Variants in RAB37 observed in about 807,000 individuals in gnomAD.
The protein encoded by RAB37 is ras-related protein Rab-37.
Under a neutral mutation model 33.1 loss-of-function variants are expected in RAB37, and 29 were observed. The observed-to-expected ratio is 0.88, with a 90% CI of 0.65 to 1.20. The LOEUF is 1.20. RAB37 is among the 50% of genes most tolerant of loss of function. The pLI is 0.00. For synonymous variants in RAB37, 128 were observed against 119.5 expected (o/e 1.07, Z -0.47); for missense variants, 299 against 301.1 (o/e 0.99, Z 0.05).
chr17:74,696,302 A>T, intron 1 of RAB37: 3 of 1,432,060 alleles, frequency 2.1e-6, no homozygotes, highest in Admixed American at 2.3e-5. Flanking sequence ...AGAAATATGG[A>T]AGAAAAGAGG....
chr17:74,723,465 T>C (rs1002513517), intron 1 of RAB37, among the ~76,000 whole-genome samples: 1 of 151,440 alleles, frequency 6.6e-6, no homozygotes, highest in Non-Finnish European at 1.5e-5. Context: ...TGGAAGTGAA[T>C]GAGGCACAAA....
chr17:74,744,769 T>C lies in RAB37; in HGVS notation c.433-104T>C. On this transcript the variant is annotated intron_variant, in intron 6 of 8. Transcript: ENST00000392613. This position sits in a 1 kb window ranked among gnomAD's most constrained non-coding sequence, Gnocchi z 4.2. ...GCCAATCACACCTGCCTGCAGTCCC[T>C]TGGGCCACCAGCAGAGGGCAGGCAA... 7.2e-7 allele frequency: 1 copy of C among 1,380,304 alleles called. No homozygotes were observed. Among genetic ancestry groups the C allele is most frequent in the Non-Finnish European group, 1.0e-6 (1 of 968,184 alleles). 85.5% of individuals were successfully genotyped at this position (1,380,304 alleles called of 1,614,324 possible).
chr17:74,705,490 C>A, intron 1 of RAB37: 1 of 478,518 alleles, frequency 2.1e-6, no homozygotes, highest in Non-Finnish European at 3.8e-6. Flanking sequence ...TATTTGTCCA[C>A]CTTTCTGCCA....
intron 5 of RAB37, among the ~76,000 whole-genome samples, chr17:74,743,882 T>G (rs1280457191): frequency 6.6e-6 from 1 of 152,176 alleles, no homozygotes; most frequent in East Asian, 1.9e-4. Context: ...AACGTTTATA[T>G]AGAAAGAGGA....
intron 1 of RAB37, among the ~76,000 whole-genome samples, chr17:74,700,218 G>GT (rs1290794183): frequency 6.6e-6 from 1 of 151,766 alleles, no homozygotes; most frequent in African/African-American, 2.4e-5. Flanking sequence ...AATAAATCCC[G>GT]TAACAGCCCC....
At position 74,671,359 on chromosome 17, in the gene RAB37, T is replaced by G; in HGVS notation, c.-228T>G. 1 of 536,774 alleles carries G rather than the reference T, an allele frequency of 1.9e-6. No individual in the cohort carries two copies. The highest frequency in any genetic ancestry group is 3.3e-6 in the Non-Finnish European group (1 of 299,522). The allele number at this position is 536,774 out of a possible 1,614,324, so 33.3% of individuals were successfully genotyped here. A position where few individuals can be genotyped will look rare whatever the true frequency, so the allele number is the denominator to read the frequency against. ...TGGTCCCGGGCGCACAACGGCGGAG[T>G]CGCTGTTCCTGGTGCTGAAACGCTC... On this transcript the variant is annotated 5_prime_UTR_variant, in exon 1 of 8. Transcript: ENST00000340415. This position sits in a 1 kb window ranked among gnomAD's most constrained non-coding sequence, Gnocchi z 5.0.
chr17:74,671,524 G>A lies in RAB37; in HGVS notation c.-63G>A. The stretch of plus-strand genomic sequence containing the variant: ...TGCCGCACCCAGCGGAGCTCGAACC[G>A]AGCTCCTGGAAGCGCTGACGCAGAG... On this transcript the variant is annotated 5_prime_UTR_variant, in exon 1 of 8. Coordinates refer to the RAB37 transcript ENST00000340415. The surrounding 1 kb of genome is among the most constrained non-coding windows in gnomAD (Gnocchi z 5.0). The A allele has an allele frequency of 1.3e-6, 2 of 1,541,790 alleles. No homozygotes were observed. The highest frequency in any genetic ancestry group is 1.8e-6 in the Non-Finnish European group (2 of 1,117,500).
chr17:74,725,252 A>G (rs558297943), intron 1 of RAB37, among the ~76,000 whole-genome samples: 1 of 151,846 alleles, frequency 6.6e-6, no homozygotes, highest in African/African-American at 2.4e-5. Context: ...CCCAACCCCA[A>G]AGGAATTTTC....
intron 1 of RAB37, among the ~76,000 whole-genome samples, chr17:74,722,256 C>G (rs1287673033): frequency 6.7e-6 from 1 of 149,592 alleles, no homozygotes; most frequent in Non-Finnish European, 1.5e-5. Context: ...GCACCCTGGC[C>G]TGGGCGACAG....
At chr17:74,709,441 ACATT>A (rs1341342104) in intron 1 of RAB37, among the ~76,000 whole-genome samples, 2 of 152,232 alleles carry the variant, frequency 1.3e-5, no homozygotes, top group African/African-American at 4.8e-5. Flanking sequence ...TTAGTGCGAG[ACATT>A]CATATGTACT....
intron 1 of RAB37, among the ~76,000 whole-genome samples, chr17:74,739,572 G>A (rs1037724777): frequency 1.5e-5 from 2 of 129,584 alleles, no homozygotes; most frequent in African/African-American, 3.0e-5. Context: ...CTCTGTCACC[G>A]AGGCTGGAGT....
chr17:74,740,931 G>T, intron 2 of RAB37, 53 bp downstream of exon 2: 1 of 1,349,454 alleles, frequency 7.4e-7, no homozygotes. Flanking sequence ...CTGTGGCTCA[G>T]GCATGGGGGG....
Position 74,744,468 on chromosome 17 carries a change from C to T in RAB37, c.432+95C>T, listed in dbSNP as rs2034702336. On this transcript the variant is annotated intron_variant, in intron 6 of 8. Transcript: ENST00000392613. This position sits in a 1 kb window ranked among gnomAD's most constrained non-coding sequence, Gnocchi z 4.2. ...CAAGAACAGTTATCTAGGCATCCTTCCTGAAAAGGACTCTGCAGCCTCCAG... is the reference window on the plus strand; with the variant it reads ...CAAGAACAGTTATCTAGGCATCCTTTCTGAAAAGGACTCTGCAGCCTCCAG... 5 of 1,205,490 alleles carry T rather than the reference C, an allele frequency of 4.1e-6. No individual in the cohort carries two copies. Among genetic ancestry groups the T allele is most frequent in the African/African-American group, 1.5e-5 (1 of 66,946 alleles). 74.7% of individuals were successfully genotyped at this position (1,205,490 alleles called of 1,614,324 possible). A position where few individuals can be genotyped will look rare whatever the true frequency, so the allele number is the denominator to read the frequency against.
At chr17:74,736,186 C>A (rs1216163906), upstream of RAB37, among the ~76,000 whole-genome samples, 1 of 151,818 alleles carries the variant, frequency 6.6e-6, no homozygotes, top group Non-Finnish European at 1.5e-5. Context: ...GCACTCCAGG[C>A]TGGGCGACAG....
intron 1 of RAB37, among the ~76,000 whole-genome samples, chr17:74,737,599 A>T (rs2034511569): frequency 6.6e-6 from 1 of 152,000 alleles, no homozygotes; most frequent in Admixed American, 6.5e-5. Flanking sequence ...GCCGGCCCCA[A>T]CTCAGTTCTC....
In RAB37 at chr17:74,671,360, C is replaced by A; in HGVS notation, c.-227C>A. 1 of 548,926 alleles carries A rather than the reference C, an allele frequency of 1.8e-6. No individual in the cohort carries two copies. The highest frequency in any genetic ancestry group is 3.3e-6 in the Non-Finnish European group (1 of 306,672). The allele number at this position is 548,926 out of a possible 1,614,324, so 34.0% of individuals were successfully genotyped here. A position where few individuals can be genotyped will look rare whatever the true frequency, so the allele number is the denominator to read the frequency against. ...GGTCCCGGGCGCACAACGGCGGAGT[C>A]GCTGTTCCTGGTGCTGAAACGCTCA... On this transcript the variant is annotated 5_prime_UTR_variant, in exon 1 of 8. Transcript: ENST00000340415. The surrounding 1 kb of genome is among the most constrained non-coding windows in gnomAD (Gnocchi z 5.0).
intron 1 of RAB37, among the ~76,000 whole-genome samples, chr17:74,706,323 T>C (rs1353978860): frequency 6.7e-6 from 1 of 148,296 alleles, no homozygotes; most frequent in Non-Finnish European, 1.5e-5. Context: ...CGATTATAGG[T>C]GTGAGCAACT....
intron 1 of RAB37, among the ~76,000 whole-genome samples, chr17:74,690,943 G>C (rs146260172): frequency 1.3e-5 from 2 of 152,122 alleles, no homozygotes; most frequent in African/African-American, 4.8e-5. Context: ...TTTTGAGACA[G>C]GGTCTCGTTC....
At chr17:74,675,307 C>T (rs1456851703) in intron 1 of RAB37, among the ~76,000 whole-genome samples, 1 of 151,894 alleles carries the variant, frequency 6.6e-6, no homozygotes, top group African/African-American at 2.4e-5. Context: ...TGGTGGCATG[C>T]ACCTGCAGTC....
Sources: allele counts gnomAD v4.1 joint callset (sites outside exome capture counted in the v4.1 genomes callset), GRCh38; gene constraint gnomAD v4.1.1; non-coding constraint Gnocchi (gnomAD v3.1); transcripts MANE v1.5; gene names NCBI Gene and HGNC (gene_info 2026-07-23, HGNC 2026-07-21).